GRID2: variants seen among roughly 807,000 people sequenced by gnomAD.
GRID2 encodes glutamate ionotropic receptor delta type subunit 2.
GRID2 carries 33 observed loss-of-function variants against 114.8 expected under a neutral mutation model. That is an observed-to-expected ratio of 0.29 (90% confidence interval 0.22 to 0.38). GRID2 has a LOEUF of 0.38. GRID2 is among the 10% of genes least tolerant of loss of function. The pLI is 1.00. For missense variants in GRID2, 1,184 were observed against 1,257.7 expected, an observed-to-expected ratio of 0.94 and a Z score of 0.89; for synonymous variants, 505 against 449.9, an observed-to-expected ratio of 1.12 and a Z score of -1.55.
At chr4:93,666,197 A>G (rs1318511370) in intron 14 of GRID2, among the ~76,000 whole-genome samples, 1 of 152,100 alleles carries the variant, frequency 6.6e-6, no homozygotes, top group East Asian at 1.9e-4. Flanking sequence ...TTCTGGCATA[A>G]CAATCCATGC....
Position 92,971,696 on chromosome 4 carries a change from C to T in GRID2, c.245-113299C>T, listed in dbSNP as rs569372948. Reference sequence around the variant, plus strand: ...AATTCACCTCTCCCTACCCCCACTCCTCCCATTCTTCCCAGTCTATAATAA... The same window carrying T: ...AATTCACCTCTCCCTACCCCCACTCTTCCCATTCTTCCCAGTCTATAATAA... On this transcript the variant is annotated intron_variant, in intron 2 of 15. Coordinates refer to ENST00000282020, the MANE Select transcript of GRID2 (RefSeq NM_001510.4). Among the ~76,000 whole-genome samples, 34 of 152,060 alleles carry T rather than the reference C, an allele frequency of 2.2e-4. No homozygotes were observed. The East Asian group carries it at 6.6e-3, about 29-fold the overall frequency.
intron 2 of GRID2, among the ~76,000 whole-genome samples, chr4:92,930,578 AT>A (rs35741890): frequency 0.051 from 6,103 of 119,454 alleles, 116 homozygotes; most frequent in African/African-American, 0.14. Flanking sequence ...CACTTTCGGC[AT>A]TTTTTTTTTT....
intron 1 of GRID2, among the ~76,000 whole-genome samples, chr4:93,796,326 T>G (rs1007742711): frequency 6.6e-6 from 1 of 152,100 alleles, no homozygotes; most frequent in Admixed American, 6.5e-5. Flanking sequence ...ATAAAACTCA[T>G]ATAGCACAGG....
intron 1 of GRID2, among the ~76,000 whole-genome samples, chr4:92,507,234 G>A (rs931006688): frequency 6.6e-6 from 1 of 151,914 alleles, no homozygotes; most frequent in Non-Finnish European, 1.5e-5. Flanking sequence ...CCTTTGAAGA[G>A]TGTCATATAT....
At chr4:93,434,019 C>T (rs1245738781) in intron 10 of GRID2, among the ~76,000 whole-genome samples, 1 of 152,154 alleles carries the variant, frequency 6.6e-6, no homozygotes, top group Non-Finnish European at 1.5e-5. Context: ...ATACTGTTGA[C>T]ACATTTAATA....
intron 14 of GRID2, among the ~76,000 whole-genome samples, chr4:93,755,668 T>A (rs1732682648): frequency 6.6e-6 from 1 of 152,188 alleles, no homozygotes; most frequent in African/African-American, 2.4e-5. Context: ...AAAAATAAAA[T>A]GCTATACATT....
chr4:92,944,285 C>T (rs754041398), intron 2 of GRID2, among the ~76,000 whole-genome samples: 3 of 152,180 alleles, frequency 2.0e-5, no homozygotes, highest in East Asian at 1.9e-4. Flanking sequence ...GGGTGCCCCT[C>T]CCCCAGCCTT....
chr4:93,582,743 A>G (rs1431700957), intron 13 of GRID2, among the ~76,000 whole-genome samples: 1 of 152,158 alleles, frequency 6.6e-6, no homozygotes, highest in African/African-American at 2.4e-5. Flanking sequence ...GAAAAAAGAA[A>G]CGGAATTGTG....
chr4:92,927,269 G>A (rs1213120494), intron 2 of GRID2, among the ~76,000 whole-genome samples: 3 of 151,798 alleles, frequency 2.0e-5, no homozygotes, highest in African/African-American at 7.2e-5. Flanking sequence ...GTTGTTGAGG[G>A]ATCCTGTAAA....
intron 1 of GRID2, among the ~76,000 whole-genome samples, chr4:92,384,782 A>G (rs896677477): frequency 6.8e-6 from 1 of 146,182 alleles, no homozygotes; most frequent in African/African-American, 2.5e-5. Context: ...CTTCAAGATA[A>G]TAAGTGTTAG....
At chr4:92,336,293 T>C (rs1727161317) in intron 1 of GRID2, among the ~76,000 whole-genome samples, 1 of 152,176 alleles carries the variant, frequency 6.6e-6, no homozygotes, top group South Asian at 2.1e-4. Context: ...GGCAACAACA[T>C]CTAGCAGTTG....
At chr4:92,307,250 G>T (rs1474790966) in intron 1 of GRID2, among the ~76,000 whole-genome samples, 2 of 152,038 alleles carry the variant, frequency 1.3e-5, no homozygotes, top group Non-Finnish European at 2.9e-5. Flanking sequence ...TGAGAAATAT[G>T]TTTCTGGGGA....
intron 4 of GRID2, among the ~76,000 whole-genome samples, chr4:93,172,017 G>A (rs562554047): frequency 6.6e-6 from 1 of 152,220 alleles, no homozygotes; most frequent in East Asian, 1.9e-4. Flanking sequence ...TACTATTTGA[G>A]GTCATATGAA....
intron 4 of GRID2, among the ~76,000 whole-genome samples, chr4:93,144,456 G>T (rs1736024831): frequency 6.6e-6 from 1 of 152,144 alleles, no homozygotes; most frequent in African/African-American, 2.4e-5. Context: ...GCTTAACAAA[G>T]AATAGAAATA....
chr4:92,539,712 A>G (rs975994984), intron 1 of GRID2, among the ~76,000 whole-genome samples: 2 of 152,196 alleles, frequency 1.3e-5, no homozygotes. Context: ...CAGTTCTTAT[A>G]TGCCTATACA....
At chr4:92,713,394 CTGAG>C (rs1735356205) in intron 2 of GRID2, among the ~76,000 whole-genome samples, 2 of 148,890 alleles carry the variant, frequency 1.3e-5, no homozygotes, top group African/African-American at 4.9e-5. Context: ...TGTTCTCTCT[CTGAG>C]TGGGTTATAT....
chr4:93,111,123 C>G (rs1372886308), intron 4 of GRID2, among the ~76,000 whole-genome samples, 170 bp downstream of exon 4: 1 of 152,142 alleles, frequency 6.6e-6, no homozygotes, highest in African/African-American at 2.4e-5. Context: ...TCATTTACCC[C>G]TTACTGTCCA....
At chr4:92,760,333 A>C (rs1164303326) in intron 2 of GRID2, among the ~76,000 whole-genome samples, 2 of 151,852 alleles carry the variant, frequency 1.3e-5, no homozygotes, top group African/African-American at 4.8e-5. Flanking sequence ...TCCTTTCAGT[A>C]CTAAAGGATT....
At chr4:93,419,808 G>T (rs777802578) in intron 9 of GRID2, among the ~76,000 whole-genome samples, 9 of 152,012 alleles carry the variant, frequency 5.9e-5, no homozygotes, top group Non-Finnish European at 8.8e-5. Flanking sequence ...TTTCAAGAAA[G>T]AAATTTAACA....
Sources: gnomAD v4.1 joint callset for allele counts (sites outside exome capture counted in the v4.1 genomes callset) on GRCh38, gnomAD v4.1.1 for gene constraint, MANE v1.5 for transcripts, NCBI Gene and HGNC (gene_info 2026-07-23, HGNC 2026-07-21) for gene names.